The following CFAP20DC variants were observed in gnomAD, a reference collection of about 807,000 sequenced individuals.
CFAP20DC encodes the protein CFAP20 domain containing.
A neutral mutation model predicts 101.7 loss-of-function variants in CFAP20DC; 84 were observed. The ratio of observed to expected loss-of-function variants is 0.83; its 90% confidence interval spans 0.69 to 0.99. CFAP20DC has a LOEUF of 0.99. Ranked by LOEUF, CFAP20DC falls within the 50% of genes least tolerant of loss-of-function variation. CFAP20DC has a pLI of 0.00. For missense variants in CFAP20DC, 1,007 were observed against 970.3 expected (o/e 1.04, Z -0.50); for synonymous variants, 359 against 351.2 (o/e 1.02, Z -0.25).
chr3:59,006,169 G>C lies in CFAP20DC; in HGVS notation c.278+33388C>G, dbSNP rs544229397. On this transcript the variant is annotated intron_variant, in intron 4 of 16. Coordinates refer to ENST00000482387, the MANE Select transcript of CFAP20DC (RefSeq NM_001394063.1). This position sits in a 1 kb window ranked among gnomAD's most constrained non-coding sequence, Gnocchi z 4.3. ...GATGGATGGATGGACGGGGAGGAGG[G>C]GCGAATAGGTTAGAATGTAGACAGT... 1.5e-3 allele frequency among the ~76,000 whole-genome samples: 226 copies of C among 152,156 alleles called. No homozygotes were observed. Among genetic ancestry groups the C allele is most frequent in the Non-Finnish European group, 2.6e-3 (177 of 68,012 alleles).
chr3:59,040,706 A>T (rs568009497), intron 3 of CFAP20DC, among the ~76,000 whole-genome samples: 1 of 152,090 alleles, frequency 6.6e-6, no homozygotes, highest in Non-Finnish European at 1.5e-5. Context: ...TAGTCTATAT[A>T]AAGAACTTCT....
chr3:58,855,982 T>C (rs2078760762), intron 12 of CFAP20DC, among the ~76,000 whole-genome samples: 3 of 139,064 alleles, frequency 2.2e-5, no homozygotes, highest in Admixed American at 2.1e-4. Flanking sequence ...ACTTAAAGTA[T>C]AATAAAAAAA....
intron 15 of CFAP20DC, among the ~76,000 whole-genome samples, chr3:58,800,901 A>C (rs1225835207): frequency 6.6e-6 from 1 of 152,052 alleles, no homozygotes; most frequent in Non-Finnish European, 1.5e-5. Context: ...AACATTTAGG[A>C]TGAAGATTTT....
chr3:58,742,665 G>A (rs539035136), intron 16 of CFAP20DC, 93 bp from the exon 17 acceptor site: 5 of 818,864 alleles, frequency 6.1e-6, no homozygotes. Flanking sequence ...CATCTCTCCT[G>A]GGGGATTTTC....
At chr3:58,896,311 T>G (rs543325321) in intron 6 of CFAP20DC, among the ~76,000 whole-genome samples, 1 of 152,344 alleles carries the variant, frequency 6.6e-6, no homozygotes, top group Admixed American at 6.5e-5. Flanking sequence ...CTATCTACTT[T>G]ATTAATTTTT....
At chr3:58,772,281 G>C (rs978062611) in intron 15 of CFAP20DC, among the ~76,000 whole-genome samples, 2 of 152,136 alleles carry the variant, frequency 1.3e-5, no homozygotes, top group African/African-American at 2.4e-5. Flanking sequence ...CAATTACAAG[G>C]CATGGTCCCA....
At chr3:59,023,157 G>GTT (rs531050236) in intron 4 of CFAP20DC, among the ~76,000 whole-genome samples, 3 of 101,070 alleles carry the variant, frequency 3.0e-5, no homozygotes, top group South Asian at 2.7e-4. Flanking sequence ...CTACTCTCTT[G>GTT]TTTTTTTTTT....
At chr3:58,744,048 T>C (rs34435578) in intron 16 of CFAP20DC, among the ~76,000 whole-genome samples, 2 of 152,028 alleles carry the variant, frequency 1.3e-5, no homozygotes, top group Admixed American at 6.6e-5. Context: ...GTGAGTTGAG[T>C]GCAGTGCTAG....
At chr3:58,995,313 C>T (rs1347761416) in intron 4 of CFAP20DC, among the ~76,000 whole-genome samples, 1 of 151,236 alleles carries the variant, frequency 6.6e-6, no homozygotes, top group Non-Finnish European at 1.5e-5. Flanking sequence ...AGAACAACCA[C>T]TGGCACATGT....
intron 5 of CFAP20DC, among the ~76,000 whole-genome samples, chr3:58,925,418 A>C (rs1430131448): frequency 6.6e-6 from 1 of 152,198 alleles, no homozygotes; most frequent in East Asian, 1.9e-4. Flanking sequence ...CTTTTCTGCC[A>C]TATTATAATC....
chr3:58,994,955 T>C (rs2108661757), intron 4 of CFAP20DC, among the ~76,000 whole-genome samples: 1 of 152,304 alleles, frequency 6.6e-6, no homozygotes, highest in East Asian at 1.9e-4. Context: ...TACTATTCGT[T>C]AAGGTTACAG....
chr3:58,759,028 T>C (rs2069252457), intron 15 of CFAP20DC, among the ~76,000 whole-genome samples: 1 of 152,236 alleles, frequency 6.6e-6, no homozygotes, highest in Non-Finnish European at 1.5e-5. Context: ...AGCAGCATAA[T>C]TTATAGTCCT....
At chr3:58,922,492 G>A (rs1388238002) in intron 5 of CFAP20DC, among the ~76,000 whole-genome samples, 2 of 152,090 alleles carry the variant, frequency 1.3e-5, no homozygotes, top group South Asian at 2.1e-4. Context: ...CCATTCTCAC[G>A]GGAGTGAATG....
At chr3:58,794,466 A>ATT (rs2073088385) in intron 15 of CFAP20DC, 2 of 351,828 alleles carry the variant, frequency 5.7e-6, no homozygotes, top group Admixed American at 5.9e-5. Context: ...CTTCTATGGT[A>ATT]TTTATTATAC....
chr3:59,040,492 T>C (rs904696639), intron 3 of CFAP20DC, among the ~76,000 whole-genome samples: 1 of 152,060 alleles, frequency 6.6e-6, no homozygotes, highest in Non-Finnish European at 1.5e-5. Flanking sequence ...CAAACATATT[T>C]TCCTGCTGTG....
intron 15 of CFAP20DC, among the ~76,000 whole-genome samples, chr3:58,758,764 A>G (rs2069215112): frequency 6.6e-6 from 1 of 151,506 alleles, no homozygotes; most frequent in African/African-American, 2.4e-5. Context: ...TTCAATTCCC[A>G]CCTATGAGGG....
At chr3:58,872,390 A>G (rs2080303355) in intron 7 of CFAP20DC, among the ~76,000 whole-genome samples, 1 of 152,138 alleles carries the variant, frequency 6.6e-6, no homozygotes, top group African/African-American at 2.4e-5. Flanking sequence ...TAAAAAAAAA[A>G]AGACACATGG....
At position 58,882,623 on chromosome 3, in the gene CFAP20DC, G is replaced by A. The variant is rs2081308611; in HGVS notation, c.715+1922C>T. ...CATTCAGATTGAATTGTGACCCAAAGTGTTTACAGTAGCTGTCTGGGTAGT... is the reference window on the plus strand; with the variant it reads ...CATTCAGATTGAATTGTGACCCAAAATGTTTACAGTAGCTGTCTGGGTAGT... On this transcript the variant is annotated intron_variant, in intron 7 of 16. Transcript: ENST00000482387. The surrounding 1 kb of genome is among the most constrained non-coding windows in gnomAD (Gnocchi z 4.2). 1.3e-5 allele frequency among the ~76,000 whole-genome samples: 2 copies of A among 152,110 alleles called. No homozygotes were observed. The highest frequency in any genetic ancestry group is 2.9e-5 in the Non-Finnish European group (2 of 68,016).
intron 14 of CFAP20DC, among the ~76,000 whole-genome samples, chr3:58,815,403 C>G (rs2075034667): frequency 6.8e-6 from 1 of 147,522 alleles, no homozygotes; most frequent in Non-Finnish European, 1.5e-5. Context: ...ACCATAAAAA[C>G]CCTAGAAGAA....
Sources: gnomAD v4.1 joint callset for allele counts (sites outside exome capture counted in the v4.1 genomes callset) on GRCh38, gnomAD v4.1.1 for gene constraint, Gnocchi (gnomAD v3.1) non-coding constraint, MANE v1.5 for transcripts, NCBI Gene and HGNC (gene_info 2026-07-23, HGNC 2026-07-21) for gene names.